The following CLCN7 variants were observed in gnomAD, a reference collection of about 807,000 sequenced individuals.
CLCN7 encodes Cl-/H+ antiporter 7.
Under a neutral mutation model 102.1 loss-of-function variants are expected in CLCN7, and 60 were observed. The ratio of observed to expected loss-of-function variants is 0.59; its 90% CI spans 0.48 to 0.73. The LOEUF is 0.73. Ranked by LOEUF, CLCN7 falls within the 30% of genes least tolerant of loss-of-function variation. CLCN7 has a pLI of 0.00. For synonymous variants in CLCN7, 560 were observed against 490.5 expected, an observed-to-expected ratio of 1.14 and a Z score of -1.87; for missense variants, 962 against 1,125.7, an observed-to-expected ratio of 0.85 and a Z score of 2.08.
intron 13 of CLCN7, 137 bp from the exon 14 acceptor site, chr16:1,454,031 G>T (rs2038795757): frequency 1.2e-6 from 1 of 801,320 alleles, no homozygotes; most frequent in Non-Finnish European, 2.1e-6. Context: ...GTCCTGGTAA[G>T]ATGCTTCCTC....
intron 2 of CLCN7, among the ~76,000 whole-genome samples, chr16:1,462,665 C>CAAAAAAAAAAA (rs67969666): frequency 3.9e-4 from 14 of 36,178 alleles, no homozygotes; most frequent in African/African-American, 1.0e-3. Flanking sequence ...AAAAAAAAGC[C>CAAAAAAAAAAA]AAAAAAAAAA....
rs994053318 is a variant in CLCN7, at chr16:1,446,788, T to C, written c.2332-71A>G. The C allele has an allele frequency of 2.2e-6, 3 of 1,364,646 alleles. No homozygotes were observed. In the African/African-American group the frequency reaches 4.3e-5, roughly 20 times the overall value. The allele number at this position is 1,364,646 out of a possible 1,614,324, so 84.5% of individuals were successfully genotyped here. ...CCTGCCTGTGGAGCTCCCTGCCTTG[T>C]GTGTGGCTGGGGCAGCACAGGCAGG... On this transcript the variant is annotated intron_variant, in intron 24 of 24. Transcript: ENST00000382745.
chr16:1,461,714 A>C (rs1015299116), intron 2 of CLCN7, 40 bp from the exon 3 acceptor site: 2 of 1,557,330 alleles, frequency 1.3e-6, no homozygotes, highest in Non-Finnish European at 8.8e-7. Context: ...ACAGTTGACA[A>C]GGCCACAAGG....
At chr16:1,449,805 G>A (rs2038715300) in intron 17 of CLCN7, 2 of 214,296 alleles carry the variant, frequency 9.3e-6, no homozygotes, top group South Asian at 6.9e-5. Flanking sequence ...TCGTGAACGT[G>A]AGAAACGCCG....
intron 13 of CLCN7, 46 bp from the exon 14 acceptor site, chr16:1,453,940 C>A (rs753552691): frequency 6.3e-7 from 1 of 1,585,488 alleles, no homozygotes; most frequent in Non-Finnish European, 8.6e-7. Flanking sequence ...AGGAAAAGTG[C>A]GGGCCTCCGC....
intron 7 of CLCN7, among the ~76,000 whole-genome samples, chr16:1,458,274 G>A (rs2038871677): frequency 1.3e-5 from 2 of 152,254 alleles, no homozygotes; most frequent in Admixed American, 1.3e-4. Context: ...CCCCAGGGCA[G>A]AACCCACAAG....
chr16:1,468,567 G>A (rs796741426), intron 1 of CLCN7, among the ~76,000 whole-genome samples: 14 of 152,164 alleles, frequency 9.2e-5, no homozygotes, highest in African/African-American at 2.9e-4. Context: ...TGCCACACAC[G>A]GCAACCTACA....
Position 1,461,916 on chromosome 16 carries a change from C to T in CLCN7, c.214-242G>A, listed in dbSNP as rs530789793. On this transcript the variant is annotated intron_variant, in intron 2 of 24. Transcript: ENST00000382745. ...CCTGGACAACAAGATGAAACCCTGT[C>T]GCTACTAAAAATACAAAAATTAGCT... Among the ~76,000 whole-genome samples the T allele has an allele frequency of 1.4e-4, 21 of 151,486 alleles. No individual in the cohort carries two copies. The South Asian group carries it at 2.7e-3, about 20-fold the overall frequency.
At position 1,451,214 on chromosome 16, in the gene CLCN7, C is replaced by A. The variant is rs185621014; in HGVS notation, c.1447+409G>T. On this transcript the variant is annotated intron_variant, in intron 16 of 24. Coordinates refer to ENST00000382745, the MANE Select transcript of CLCN7 (RefSeq NM_001287.6). The stretch of plus-strand genomic sequence containing the variant: ...TGTGGGAGTCACCAGGCTGGGTTTT[C>A]TTTTGTTTTTTGAGAGAGGGTCTCG... Among the ~76,000 whole-genome samples, 271 of 152,292 alleles carry A rather than the reference C, an allele frequency of 1.8e-3. 1 individual carries two copies. Among genetic ancestry groups the A allele is most frequent in the African/African-American group, 5.5e-3 (230 of 41,562 alleles).
chr16:1,450,464 G>A, intron 17 of CLCN7, 33 bp downstream of exon 17: 1 of 1,566,112 alleles, frequency 6.4e-7, no homozygotes, highest in East Asian at 2.3e-5. Context: ...CTCAGCTGCA[G>A]GGCCCCACAG....
At chr16:1,459,210 G>C (rs1330782485) in intron 6 of CLCN7, 23 bp from the exon 7 acceptor site, 1 of 1,606,020 alleles carries the variant, frequency 6.2e-7, no homozygotes, top group Non-Finnish European at 8.5e-7. Context: ...AAGCACGGCT[G>C]AGTGGGTCAC....
rs566782992 is a variant in CLCN7, at chr16:1,470,063, G to A, written c.142-4725C>T. 4.6e-5 allele frequency among the ~76,000 whole-genome samples: 7 copies of A among 152,384 alleles called. No homozygotes were observed. The East Asian group carries it at 1.3e-3, about 29-fold the overall frequency. ...CTGGGCAGCAGGAGGAAGGGAGAGC[G>A]TTGAATGGGTGCAGTTTCAGTTTGG... On this transcript the variant is annotated intron_variant, in intron 1 of 24. Coordinates refer to ENST00000382745, the MANE Select transcript of CLCN7 (RefSeq NM_001287.6).
chr16:1,471,422 C>G (rs2039076115), intron 1 of CLCN7, among the ~76,000 whole-genome samples: 1 of 152,192 alleles, frequency 6.6e-6, no homozygotes, highest in East Asian at 1.9e-4. Flanking sequence ...AACCCAAGGG[C>G]AGCTTACAGT....
chr16:1,461,544 G>A (rs985504762), intron 3 of CLCN7, 59 bp downstream of exon 3: 7 of 1,609,278 alleles, frequency 4.3e-6, no homozygotes, highest in Non-Finnish European at 5.1e-6. Flanking sequence ...GGGACCGGGA[G>A]TGGGCTGGCA....
chr16:1,460,585 T>C (rs2038919676), intron 5 of CLCN7, 58 bp from the exon 6 acceptor site: 1 of 1,426,614 alleles, frequency 7.0e-7, no homozygotes, highest in Non-Finnish European at 9.8e-7. Context: ...AGCCCAGACC[T>C]CAGCCCTGCC....
At chr16:1,447,152 G>A (rs774327372) in intron 23 of CLCN7, 66 bp from the exon 24 acceptor site, 25 of 1,453,196 alleles carry the variant, frequency 1.7e-5, no homozygotes, top group East Asian at 2.5e-5. Flanking sequence ...CCTCACCCAA[G>A]CTGGCTCCCT....
intron 2 of CLCN7, among the ~76,000 whole-genome samples, chr16:1,462,683 A>AAAAAAAC (rs1471363912): frequency 5.7e-4 from 86 of 150,996 alleles, no homozygotes; most frequent in African/African-American, 2.0e-3. Flanking sequence ...AAAAAAAAAA[A>AAAAAAAC]AAAACCAGGC....
chr16:1,462,310 A>G (rs892945350), intron 2 of CLCN7, among the ~76,000 whole-genome samples: 7 of 148,726 alleles, frequency 4.7e-5, no homozygotes, highest in East Asian at 2.0e-4. Flanking sequence ...AAGAGGATCA[A>G]CTGAAGCCAG....
At chr16:1,470,834 A>G (rs2039068356) in intron 1 of CLCN7, among the ~76,000 whole-genome samples, 1 of 152,144 alleles carries the variant, frequency 6.6e-6, no homozygotes, top group Admixed American at 6.5e-5. Context: ...ACAGTCCCAC[A>G]CTAACCCAGA....
Sources: gnomAD v4.1 joint callset for allele counts (sites outside exome capture counted in the v4.1 genomes callset) on GRCh38, gnomAD v4.1.1 for gene constraint, MANE v1.5 for transcripts, NCBI Gene and HGNC (gene_info 2026-07-23, HGNC 2026-07-21) for gene names.